CIMIP6: variants seen among roughly 807,000 people sequenced by gnomAD.
The protein encoded by CIMIP6 is uncharacterized protein C2orf73.
At chr2:54,333,365 G>A in the CIMIP6 span, among the ~76,000 whole-genome samples, 1 of 152,170 alleles carries the variant, frequency 6.6e-6, no homozygotes, top group South Asian at 2.1e-4. Flanking sequence ...TGAGCCAGCT[G>A]TGCTGGGAGC....
the CIMIP6 span, among the ~76,000 whole-genome samples, chr2:54,342,330 C>A: frequency 6.6e-6 from 1 of 152,070 alleles, no homozygotes; most frequent in Admixed American, 6.6e-5. Context: ...AACTGTTAGC[C>A]GGAACACAAA....
the CIMIP6 span, among the ~76,000 whole-genome samples, chr2:54,347,342 A>G: frequency 1.3e-5 from 2 of 152,338 alleles, no homozygotes; most frequent in African/African-American, 4.8e-5. Flanking sequence ...GAAATGATGC[A>G]TTAGAAGTGT....
the CIMIP6 span, among the ~76,000 whole-genome samples, chr2:54,348,634 T>C: frequency 6.6e-6 from 1 of 152,352 alleles, no homozygotes; most frequent in African/African-American, 2.4e-5. Flanking sequence ...TAGATGAAAG[T>C]GATTTTTAAA....
the CIMIP6 span, among the ~76,000 whole-genome samples, chr2:54,369,812 C>T: frequency 6.6e-6 from 1 of 152,196 alleles, no homozygotes; most frequent in Non-Finnish European, 1.5e-5. Context: ...CAGTGAGGGG[C>T]ATGAAGGGCA....
the CIMIP6 span, among the ~76,000 whole-genome samples, chr2:54,331,900 G>A: frequency 3.3e-5 from 5 of 152,354 alleles, no homozygotes; most frequent in African/African-American, 9.6e-5. Context: ...AAGAATCAGC[G>A]AAACAGCTGG....
At chr2:54,365,413 A>G in the CIMIP6 span, among the ~76,000 whole-genome samples, 2 of 152,216 alleles carry the variant, frequency 1.3e-5, no homozygotes, top group Non-Finnish European at 2.9e-5. Context: ...AAACAAAAAC[A>G]CAAGAGGAAA....
chr2:54,362,583 C>T, the CIMIP6 span, among the ~76,000 whole-genome samples: 2 of 152,138 alleles, frequency 1.3e-5, no homozygotes, highest in Non-Finnish European at 2.9e-5. Context: ...GGCAGTCTCT[C>T]CAGAGCCAGG....
chr2:54,366,348 C>G, the CIMIP6 span, among the ~76,000 whole-genome samples: 2 of 152,168 alleles, frequency 1.3e-5, no homozygotes, highest in Non-Finnish European at 2.9e-5. Context: ...CCCCTGACAT[C>G]ATCAAACACA....
the CIMIP6 span, among the ~76,000 whole-genome samples, chr2:54,368,223 G>A: frequency 6.6e-6 from 1 of 152,128 alleles, no homozygotes; most frequent in Non-Finnish European, 1.5e-5. Flanking sequence ...TATGTATTTT[G>A]TTGTGGTAGG....
At chr2:54,376,259 G>C in the CIMIP6 span, among the ~76,000 whole-genome samples, 1 of 151,816 alleles carries the variant, frequency 6.6e-6, no homozygotes, top group Admixed American at 6.6e-5. Context: ...GCCCGAGCTG[G>C]TCTGCAACCC....
the CIMIP6 span, among the ~76,000 whole-genome samples, chr2:54,379,413 G>C: frequency 6.6e-6 from 1 of 152,208 alleles, no homozygotes; most frequent in Non-Finnish European, 1.5e-5. Context: ...CAGATCACCT[G>C]TGGCCCTAGT....
chr2:54,335,752 G>A, the CIMIP6 span, among the ~76,000 whole-genome samples: 1 of 152,150 alleles, frequency 6.6e-6, no homozygotes, highest in African/African-American at 2.4e-5. Context: ...ATCTAGCTTA[G>A]AAGTCCAAAA....
the CIMIP6 span, among the ~76,000 whole-genome samples, chr2:54,351,673 G>C: frequency 6.6e-6 from 1 of 152,100 alleles, no homozygotes; most frequent in African/African-American, 2.4e-5. Flanking sequence ...TGGGTACTAG[G>C]CTTAACACCT....
At chr2:54,332,541 ACTGGGATTCCAGTCCCTGT>A in the CIMIP6 span, among the ~76,000 whole-genome samples, 1 of 152,236 alleles carries the variant, frequency 6.6e-6, no homozygotes, top group Non-Finnish European at 1.5e-5. Context: ...ATATGGCAGA[ACTGGGATTCCAGTCCCTGT>A]CTGACTCACT....
At chr2:54,351,425 C>T in the CIMIP6 span, among the ~76,000 whole-genome samples, 67 of 152,278 alleles carry the variant, frequency 4.4e-4, no homozygotes, top group African/African-American at 1.5e-3. Flanking sequence ...ACATATACAC[C>T]GTGGAACACT....
the CIMIP6 span, among the ~76,000 whole-genome samples, chr2:54,352,890 T>C: frequency 6.6e-6 from 1 of 152,330 alleles, no homozygotes; most frequent in African/African-American, 2.4e-5. Flanking sequence ...TGGTTGAATA[T>C]GTGGATACAG....
At chr2:54,331,078 C>A in the CIMIP6 span, 2 of 1,459,018 alleles carry the variant, frequency 1.4e-6, no homozygotes, top group African/African-American at 1.4e-5. Flanking sequence ...CGGGATCCAG[C>A]ATGGACAGTC....
the CIMIP6 span, chr2:54,360,069 G>T: frequency 9.1e-7 from 1 of 1,096,596 alleles, no homozygotes; most frequent in Non-Finnish European, 1.2e-6. Flanking sequence ...GGACTGAGGT[G>T]ACACCAATGA....
the CIMIP6 span, among the ~76,000 whole-genome samples, chr2:54,379,112 C>A: frequency 6.6e-6 from 1 of 152,210 alleles, no homozygotes; most frequent in African/African-American, 2.4e-5. Flanking sequence ...CAAAAAGTAG[C>A]TTCTAGGGCT....
Sources: gnomAD v4.1 joint callset for allele counts (sites outside exome capture counted in the v4.1 genomes callset) on GRCh38, gnomAD v4.1.1 for gene constraint, MANE v1.5 for transcripts, NCBI Gene and HGNC (gene_info 2026-07-23, HGNC 2026-07-21) for gene names.